TASOR: variants seen among roughly 807,000 people sequenced by gnomAD.
The protein encoded by TASOR is protein TASOR.
A neutral mutation model predicts 178.6 loss-of-function variants in TASOR; 53 were observed. The ratio of observed to expected loss-of-function variants is 0.30; its 90% CI spans 0.24 to 0.37. The LOEUF (loss-of-function observed/expected upper bound fraction) is 0.37. TASOR is among the 10% of genes least tolerant of loss of function. TASOR has a pLI of 1.00. For missense variants in TASOR, 1,815 were observed against 1,971.4 expected (o/e 0.92, Z 1.50); for synonymous variants, 713 against 696.2 (o/e 1.02, Z -0.38).
Position 56,627,677 on chromosome 3 carries a change from T to C in TASOR, c.3935A>G (p.Asp1312Gly). 6.2e-7 allele frequency: 1 copy of C among 1,614,128 alleles called. No homozygotes were observed. Among genetic ancestry groups the C allele is most frequent in the African/African-American group, 1.3e-5 (1 of 75,046 alleles). The change falls in exon 20 of 24, where the codon GAT becomes GGT. Residue 1312 changes from aspartate (D) to glycine (G), a missense_variant. Asp to Gly is a moderately conservative substitution (Grantham distance 94). Coordinates refer to ENST00000683822, the MANE Select transcript of TASOR (RefSeq NM_001365635.2). ...CVSFAGVDSLDDVKNHTYNEL... is the reference protein window; with the variant it reads ...CVSFAGVDSLGDVKNHTYNEL... Reference sequence around the variant, plus strand: ...ATTGTATGTATGATTTTTAACATCATCCAGGCTATCAACACCAGCAAAACT... The same window carrying C: ...ATTGTATGTATGATTTTTAACATCACCCAGGCTATCAACACCAGCAAAACT...
chr3:56,665,083 C>A (rs769219301), intron 7 of TASOR, among the ~76,000 whole-genome samples: 5 of 151,998 alleles, frequency 3.3e-5, no homozygotes, highest in Admixed American at 3.3e-4. Context: ...CGCTTGCACA[C>A]AGGGGTTTGA....
chr3:56,675,579 T>C (rs923708423), intron 1 of TASOR, among the ~76,000 whole-genome samples: 3 of 66,086 alleles, frequency 4.5e-5, no homozygotes, highest in Non-Finnish European at 5.5e-5. Flanking sequence ...AATACTTTAA[T>C]TTACTAATAC....
At chr3:56,678,085 T>C (rs2031469296) in intron 1 of TASOR, among the ~76,000 whole-genome samples, 1 of 151,820 alleles carries the variant, frequency 6.6e-6, no homozygotes, top group African/African-American at 2.4e-5. Flanking sequence ...GATAGTATCA[T>C]AGAATTTCAA....
Position 56,623,556 on chromosome 3 carries a change from T to G in TASOR, c.4494A>C (p.Glu1498Asp). Residue 1498 changes from glutamate (E) to aspartate (D), a missense_variant, in exon 24 of 24, where the codon GAA becomes GAC. Physicochemically the swap from Glu to Asp is conservative, Grantham distance 45. Transcript: ENST00000683822. Reference sequence around the variant, plus strand: ...TATCCTCTTCATCCTTTTCATCGTTTTCTAAAAGAGCTACATTTAAAAAAC... The same window carrying G: ...TATCCTCTTCATCCTTTTCATCGTTGTCTAAAAGAGCTACATTTAAAAAAC... ...ENLESQSALL[E>D]NDEKDEEDMS... 6.4e-7 allele frequency: 1 copy of G among 1,569,444 alleles called. No homozygotes were observed. Among genetic ancestry groups the G allele is most frequent in the Middle Eastern group, 1.7e-4 (1 of 5,832 alleles).
In TASOR at chr3:56,620,940, CAGG is replaced by C. The variant is rs2076420497; in HGVS notation, c.*2094_*2096del. ...GGCTGAGGCAGGCAGATCATGAGGTCAGGAGATCAAGACCATCCTGGCTAACAC... is the reference window on the plus strand; with the variant it reads ...GGCTGAGGCAGGCAGATCATGAGGTCAGATCAAGACCATCCTGGCTAACAC... On this transcript the variant is annotated 3_prime_UTR_variant, in exon 24 of 24. Transcript: ENST00000683822. 6.6e-6 allele frequency: 1 copy of C among 152,326 alleles called. No homozygotes were observed. The highest frequency in any genetic ancestry group is 2.1e-4 in the South Asian group (1 of 4,840). The allele number at this position is 152,326 out of a possible 1,614,324, so 9.4% of individuals were successfully genotyped here.
Position 56,621,809 on chromosome 3 carries a change from G to C in TASOR, c.*1228C>G. 1 of 180,146 alleles carries C rather than the reference G, an allele frequency of 5.6e-6. No individual in the cohort carries two copies. Among genetic ancestry groups the C allele is most frequent in the Non-Finnish European group, 1.1e-5 (1 of 95,114 alleles). The allele number at this position is 180,146 out of a possible 1,614,324, so 11.2% of individuals were successfully genotyped here. On this transcript the variant is annotated 3_prime_UTR_variant, in exon 24 of 24. Transcript: ENST00000683822. ...TAAAACAGATACTTCTTTTGTAAAA[G>C]CTTAGTAGTAAAAAAAAAAAAAAAA... is the stretch of plus-strand genomic sequence containing the variant.
At chr3:56,652,760 A>C (rs753419650) in intron 11 of TASOR, among the ~76,000 whole-genome samples, 2 of 152,208 alleles carry the variant, frequency 1.3e-5, no homozygotes, top group Non-Finnish European at 2.9e-5. Context: ...AAAAAATTCA[A>C]ATGTAACTTT....
At chr3:56,663,049 G>A (rs919186793) in intron 8 of TASOR, among the ~76,000 whole-genome samples, 3 of 151,958 alleles carry the variant, frequency 2.0e-5, no homozygotes, top group Non-Finnish European at 2.9e-5. Flanking sequence ...GTGTGGTGGT[G>A]GGCGCCTGTA....
chr3:56,646,497 T>C lies in TASOR; in HGVS notation c.2215+25A>G, dbSNP rs2077241119. Reference sequence around the variant, plus strand: ...AACAGAACTACTTTATTTTTGGCTGTTATAAGAGCAATCTGATATTTTACC... The same window carrying C: ...AACAGAACTACTTTATTTTTGGCTGCTATAAGAGCAATCTGATATTTTACC... On this transcript the variant is annotated intron_variant, in intron 14 of 23. Transcript: ENST00000683822. 3 of 1,551,288 alleles carry C rather than the reference T, an allele frequency of 1.9e-6. No individual in the cohort carries two copies. The Admixed American group carries it at 6.0e-5, about 31-fold the overall frequency.
chr3:56,683,117 C>A lies in TASOR; in HGVS notation c.-111G>T, dbSNP rs548223171. ...CGAGCTGCTCTCAGCCCACCCACCC[C>A]CTTCCCCCCGTGGCCTCAGGCTGCG... On this transcript the variant is annotated 5_prime_UTR_variant, in exon 1 of 24. Transcript: ENST00000683822. The A allele has an allele frequency of 1.6e-6, 2 of 1,267,504 alleles. No individual in the cohort carries two copies. The highest frequency in any genetic ancestry group is 2.1e-6 in the Non-Finnish European group (2 of 946,730). 78.5% of individuals were successfully genotyped at this position (1,267,504 alleles called of 1,614,324 possible). A position where few individuals can be genotyped will look rare whatever the true frequency, so the allele number is the denominator to read the frequency against.
chr3:56,624,401 TTTCA>T, intron 23 of TASOR, 74 bp downstream of exon 23: 1 of 1,486,280 alleles, frequency 6.7e-7, no homozygotes, highest in Non-Finnish European at 9.2e-7. Context: ...AAAATGGTCA[TTTCA>T]TTATTTGGTA....
In TASOR at chr3:56,651,584, T is replaced by C. The variant is rs9817151; in HGVS notation, c.1369-2527A>G. On this transcript the variant is annotated intron_variant, in intron 11 of 23. Transcript: ENST00000683822. Reference sequence around the variant, plus strand: ...GTGTGGCGTCATATGCCTATAGTCCTGGCTACTTGGAAAGCTAAGGTGGGA... The same window carrying C: ...GTGTGGCGTCATATGCCTATAGTCCCGGCTACTTGGAAAGCTAAGGTGGGA... Among the ~76,000 whole-genome samples the C allele has an allele frequency of 7.1e-3, 1,080 of 152,058 alleles. 13 individuals carry two copies. The highest frequency in any genetic ancestry group is 0.025 in the East Asian group (129 of 5,158).
intron 5 of TASOR, 146 bp downstream of exon 5, chr3:56,669,554 A>C: frequency 1.8e-6 from 1 of 566,508 alleles, no homozygotes; most frequent in East Asian, 3.2e-5. Context: ...AAAGATGGCA[A>C]ATAAACCATT....
In TASOR at chr3:56,682,777, G is replaced by A. The variant is rs1455983064; in HGVS notation, c.230C>T (p.Ser77Phe). ...CAGGGCGGCCGCGCCCGCCTCAGAG[G>A]AGTCCTGAGGCTGCTCGTGGCTGAG... Reference protein sequence around the residue: ...QSLSHEQPQDSSEAGAAALPR... With the variant: ...QSLSHEQPQDFSEAGAAALPR... The change falls in exon 1 of 24, where the codon TCC becomes TTC. Residue 77 changes from serine (S) to phenylalanine (F), a missense_variant. This residue lies in a region of TASOR where 244 missense variants were observed against 202.7 expected (regional missense o/e 1.20). Transcript: ENST00000683822. 5.2e-6 allele frequency: 8 copies of A among 1,549,846 alleles called. 1 individual carries two copies. The Admixed American group carries it at 5.9e-5, about 11-fold the overall frequency.
chr3:56,655,301 T>G (rs1051414048), intron 11 of TASOR, among the ~76,000 whole-genome samples: 4 of 152,076 alleles, frequency 2.6e-5, no homozygotes, highest in Non-Finnish European at 5.9e-5. Flanking sequence ...GAAAAAGAAG[T>G]AGTATATAGT....
chr3:56,677,684 A>G (rs1444493601), intron 1 of TASOR, among the ~76,000 whole-genome samples: 1 of 152,224 alleles, frequency 6.6e-6, no homozygotes, highest in African/African-American at 2.4e-5. Context: ...TTTATAGACT[A>G]GAAATCATAT....
chr3:56,679,252 TACC>T (rs2031588587), intron 1 of TASOR, among the ~76,000 whole-genome samples: 2 of 152,290 alleles, frequency 1.3e-5, no homozygotes, highest in South Asian at 4.2e-4. Flanking sequence ...TAAAAAAAAT[TACC>T]ACAGACAATA....
intron 2 of TASOR, 69 bp from the exon 3 acceptor site, chr3:56,671,761 T>G: frequency 7.9e-7 from 1 of 1,260,892 alleles, no homozygotes; most frequent in Non-Finnish European, 1.1e-6. Context: ...AAGTTTTATT[T>G]TTTTTTCCAA....
intron 8 of TASOR, 35 bp from the exon 9 acceptor site, chr3:56,662,525 A>T (rs1478994020): frequency 4.5e-6 from 5 of 1,102,288 alleles, no homozygotes; most frequent in Non-Finnish European, 6.5e-6. Flanking sequence ...CAGCTTAGTC[A>T]CTTGGCAGCC....
Sources: gnomAD v4.1 joint callset for allele counts (sites outside exome capture counted in the v4.1 genomes callset) on GRCh38, gnomAD v4.1.1 for gene constraint, gnomAD v4.1.1 regional missense constraint, MANE v1.5 for transcripts, NCBI Gene and HGNC (gene_info 2026-07-23, HGNC 2026-07-21) for gene names.